The following PREX2 variants were observed in gnomAD, a reference collection of about 807,000 sequenced individuals.
PREX2 encodes phosphatidylinositol-3,4,5-trisphosphate dependent Rac exchange factor 2, also known as phosphatidylinositol 3,4,5-trisphosphate-dependent Rac exchanger 2 protein.
Under a neutral mutation model 203.2 loss-of-function variants are expected in PREX2, and 107 were observed. That is an observed-to-expected ratio of 0.53 (90% CI 0.45 to 0.62). The LOEUF (loss-of-function observed/expected upper bound fraction) is 0.62. PREX2 is among the 20% of genes least tolerant of loss of function. PREX2 has a pLI of 0.00. For missense variants in PREX2, 1,777 were observed against 1,955.9 expected, an observed-to-expected ratio of 0.91 and a Z score of 1.72; for synonymous variants, 672 against 663.6, an observed-to-expected ratio of 1.01 and a Z score of -0.19.
chr8:68,046,822 C>T (rs1808365793), intron 8 of PREX2, among the ~76,000 whole-genome samples: 1 of 152,018 alleles, frequency 6.6e-6, no homozygotes, highest in Non-Finnish European at 1.5e-5. Flanking sequence ...TTTCAGCCTG[C>T]AACTGGATAC....
intron 8 of PREX2, among the ~76,000 whole-genome samples, chr8:68,050,563 A>G (rs982515429): frequency 6.6e-6 from 1 of 152,204 alleles, no homozygotes; most frequent in African/African-American, 2.4e-5. Context: ...TGGGGATTAC[A>G]ATTTGACATG....
chr8:67,974,625 G>C (rs1273490776), intron 1 of PREX2, among the ~76,000 whole-genome samples: 1 of 152,034 alleles, frequency 6.6e-6, no homozygotes, highest in Admixed American at 6.6e-5. Flanking sequence ...CCAAGTATGA[G>C]GGTGAGAACA....
At chr8:68,114,026 T>G (rs1810590468) in intron 25 of PREX2, among the ~76,000 whole-genome samples, 1 of 152,116 alleles carries the variant, frequency 6.6e-6, no homozygotes, top group Non-Finnish European at 1.5e-5. Flanking sequence ...CACACCCAGC[T>G]AATTTTTGTA....
chr8:68,012,020 T>A (rs1014356594), intron 1 of PREX2, among the ~76,000 whole-genome samples: 1 of 152,190 alleles, frequency 6.6e-6, no homozygotes, highest in Non-Finnish European at 1.5e-5. Context: ...ATAATGGTCC[T>A]GATTTCTGCT....
At chr8:67,971,225 G>T (rs1805918690) in intron 1 of PREX2, among the ~76,000 whole-genome samples, 1 of 152,142 alleles carries the variant, frequency 6.6e-6, no homozygotes, top group South Asian at 2.1e-4. Context: ...CGTCGTCTGG[G>T]AGGCCGGCTT....
intron 7 of PREX2, 71 bp downstream of exon 7, chr8:68,038,363 C>G (rs916842723): frequency 1.1e-5 from 16 of 1,485,256 alleles, no homozygotes; most frequent in Non-Finnish European, 1.5e-5. Context: ...CTTCCCAGAA[C>G]TCATCTATCC....
At chr8:67,961,758 C>T (rs557723875) in intron 1 of PREX2, among the ~76,000 whole-genome samples, 2 of 152,214 alleles carry the variant, frequency 1.3e-5, no homozygotes, top group South Asian at 2.1e-4. Flanking sequence ...TAATTAGTAT[C>T]GGTGATTTCA....
intron 35 of PREX2, among the ~76,000 whole-genome samples, chr8:68,191,169 TAGAG>T (rs1309459232): frequency 2.0e-5 from 3 of 152,166 alleles, no homozygotes; most frequent in Admixed American, 1.3e-4. Flanking sequence ...ATTGAACCCT[TAGAG>T]AGAGTTTCAC....
chr8:68,228,972 G>GAAAAAAATGAAAA (rs71253068), intron 39 of PREX2, among the ~76,000 whole-genome samples: 1 of 117,272 alleles, frequency 8.5e-6, no homozygotes. Flanking sequence ...AAAAAAGAAA[G>GAAAAAAATGAAAA]AAAAAAATGG....
chr8:68,179,702 C>T (rs1197375835), intron 35 of PREX2, among the ~76,000 whole-genome samples: 1 of 152,128 alleles, frequency 6.6e-6, no homozygotes, highest in African/African-American at 2.4e-5. Flanking sequence ...TGCTGCTCTA[C>T]AGAATATTGC....
At chr8:68,190,253 A>T (rs978437704) in intron 35 of PREX2, among the ~76,000 whole-genome samples, 1 of 152,170 alleles carries the variant, frequency 6.6e-6, no homozygotes, top group African/African-American at 2.4e-5. Flanking sequence ...ATATCATGGG[A>T]CTTATTTTGT....
chr8:68,112,977 T>C (rs972289297), intron 25 of PREX2, among the ~76,000 whole-genome samples: 3 of 152,154 alleles, frequency 2.0e-5, no homozygotes, highest in East Asian at 1.9e-4. Context: ...CAAAAATCTT[T>C]CTTATCAATG....
rs1371536876 is a variant in PREX2, at chr8:68,030,359, G to C, written c.544-138G>C. 3 of 684,760 alleles carry C rather than the reference G, an allele frequency of 4.4e-6. No homozygotes were observed. In the African/African-American group the frequency reaches 5.4e-5, roughly 12 times the overall value. 42.4% of individuals were successfully genotyped at this position (684,760 alleles called of 1,614,324 possible). On this transcript the variant is annotated intron_variant, in intron 5 of 39. Transcript: ENST00000288368. ...CTCATTGATTCAAACTTTTATTTTT[G>C]ATCTTAGAGGAATTTGTGATGTCAC...
At chr8:67,999,236 T>C (rs959846187) in intron 1 of PREX2, among the ~76,000 whole-genome samples, 1 of 151,476 alleles carries the variant, frequency 6.6e-6, no homozygotes, top group Non-Finnish European at 1.5e-5. Flanking sequence ...GGTACACTAA[T>C]AAAGAAGGAA....
chr8:68,158,125 A>ATATATG (rs1563569283), intron 35 of PREX2, among the ~76,000 whole-genome samples: 4 of 136,098 alleles, frequency 2.9e-5, no homozygotes, highest in African/African-American at 1.4e-4. Context: ...ATATATATGT[A>ATATATG]TATATATATA....
intron 35 of PREX2, among the ~76,000 whole-genome samples, chr8:68,163,702 C>G (rs1023796071): frequency 6.6e-6 from 1 of 152,122 alleles, no homozygotes; most frequent in African/African-American, 2.4e-5. Context: ...ATCCTGGATT[C>G]TCCCCTCACA....
At chr8:68,115,654 T>C (rs1178012700) in intron 25 of PREX2, 99 bp from the exon 26 acceptor site, 3 of 737,350 alleles carry the variant, frequency 4.1e-6, no homozygotes, top group Non-Finnish European at 6.2e-6. Flanking sequence ...ATTGAAGCAC[T>C]CTAGAAATAT....
intron 1 of PREX2, among the ~76,000 whole-genome samples, chr8:68,007,688 C>T (rs1340935435): frequency 6.6e-6 from 1 of 152,210 alleles, no homozygotes; most frequent in African/African-American, 2.4e-5. Context: ...TGGCTCACTG[C>T]AAGCTCCGCC....
At chr8:68,061,252 A>G (rs143007593) in intron 11 of PREX2, among the ~76,000 whole-genome samples, 120 of 152,352 alleles carry the variant, frequency 7.9e-4, no homozygotes, top group Middle Eastern at 3.4e-3. Context: ...ACGTGGGTCC[A>G]TGGATGAACA....
Sources: allele counts gnomAD v4.1 joint callset (sites outside exome capture counted in the v4.1 genomes callset), GRCh38; gene constraint gnomAD v4.1.1; transcripts MANE v1.5; gene names NCBI Gene and HGNC (gene_info 2026-07-23, HGNC 2026-07-21).